TSG101: variants seen among roughly 807,000 people sequenced by gnomAD.
The protein encoded by TSG101 is tumor susceptibility gene 101 protein.
A neutral mutation model predicts 48.5 loss-of-function variants in TSG101; 19 were observed. The observed-to-expected ratio is 0.39, with a 90% CI of 0.27 to 0.58. The LOEUF (loss-of-function observed/expected upper bound fraction) is 0.58, where lower values mean the gene tolerates loss of function less well. TSG101 is among the 20% of genes least tolerant of loss of function. The pLI, the probability that TSG101 is intolerant of heterozygous loss-of-function variation, is 0.55. For synonymous variants in TSG101, 174 were observed against 169.4 expected, an observed-to-expected ratio of 1.03 and a Z score of -0.21; for missense variants, 365 against 484.4, an observed-to-expected ratio of 0.75 and a Z score of 2.31.
intron 7 of TSG101, among the ~76,000 whole-genome samples, chr11:18,487,239 G>A (rs1849632328): frequency 6.8e-6 from 1 of 147,952 alleles, no homozygotes; most frequent in Admixed American, 6.8e-5. Flanking sequence ...TTATGCACAT[G>A]TACCCTAAAA....
rs367590449 is a variant in TSG101, at chr11:18,492,753, C to T, written c.641-8681G>A. On this transcript the variant is annotated intron_variant, in intron 7 of 9. Coordinates refer to ENST00000251968, the MANE Select transcript of TSG101 (RefSeq NM_006292.4). ...GAAGTATATCTAAACTTTAAAAAAT[C>T]GAACTACTTTGTAAAAAAAAAAAAA... Among the ~76,000 whole-genome samples the T allele has an allele frequency of 3.5e-5, 5 of 144,580 alleles. No homozygotes were observed. The South Asian group carries it at 7.0e-4, about 20-fold the overall frequency. The allele number at this position is 144,580 out of a possible 152,430, so 94.9% of individuals were successfully genotyped here. A position where few individuals can be genotyped will look rare whatever the true frequency, so the allele number is the denominator to read the frequency against.
chr11:18,483,785 C>T, intron 8 of TSG101, 85 bp downstream of exon 8: 2 of 1,432,504 alleles, frequency 1.4e-6, no homozygotes, highest in Non-Finnish European at 1.9e-6. Context: ...TCCTACTATG[C>T]CCACAACATC....
chr11:18,513,520 A>T (rs1393206634), intron 4 of TSG101, among the ~76,000 whole-genome samples: 1 of 151,950 alleles, frequency 6.6e-6, no homozygotes, highest in Non-Finnish European at 1.5e-5. Context: ...GGCTGGTCTC[A>T]AACTCCTGAG....
chr11:18,503,941 C>T (rs1849928471), intron 6 of TSG101, among the ~76,000 whole-genome samples: 1 of 152,110 alleles, frequency 6.6e-6, no homozygotes, highest in African/African-American at 2.4e-5. Flanking sequence ...CAGTGGATCA[C>T]ACCTGTAATC....
chr11:18,490,277 C>A, intron 7 of TSG101: 1 of 548,366 alleles, frequency 1.8e-6, no homozygotes, highest in Admixed American at 2.2e-5. Flanking sequence ...TCCTGGTTTT[C>A]CGATGTCCAC....
intron 2 of TSG101, among the ~76,000 whole-genome samples, chr11:18,516,541 T>A (rs1404890753): frequency 6.6e-6 from 1 of 152,018 alleles, no homozygotes. Flanking sequence ...AGATGGGGCT[T>A]CACCATGTTG....
intron 7 of TSG101, among the ~76,000 whole-genome samples, chr11:18,492,860 CA>C (rs1191859887): frequency 3.3e-5 from 5 of 151,324 alleles, no homozygotes; most frequent in African/African-American, 9.7e-5. Flanking sequence ...AAAAACTCAT[CA>C]AAGTTCAAAA....
Position 18,499,288 on chromosome 11 carries a change from ATATATT to A in TSG101, c.640+3192_640+3197del, listed in dbSNP as rs1309459702. On this transcript the variant is annotated intron_variant, in intron 7 of 9. Transcript: ENST00000251968. ...TTTTATATATATTTATATATATCAT[ATATATT>A]TATATTTATATATTTATTTATATAT... 9.3e-4 allele frequency among the ~76,000 whole-genome samples: 107 copies of A among 115,044 alleles called. 1 individual carries two copies. The highest frequency in any genetic ancestry group is 1.3e-3 in the Non-Finnish European group (76 of 57,402). 75.5% of individuals were successfully genotyped at this position (115,044 alleles called of 152,430 possible). A position where few individuals can be genotyped will look rare whatever the true frequency, so the allele number is the denominator to read the frequency against.
At chr11:18,484,219 A>C (rs1473475463) in intron 7 of TSG101, 147 bp from the exon 8 acceptor site, 1 of 731,618 alleles carries the variant, frequency 1.4e-6, no homozygotes, top group East Asian at 2.7e-5. Flanking sequence ...TTTCATGAGA[A>C]ATAATGTAAA....
In TSG101 at chr11:18,480,419, A is replaced by G; in HGVS notation, c.*127T>C. Reference sequence around the variant, plus strand: ...TCTTTACCAAAAGAAAACAGAAAATATATTATTGATTCAAAATATTTTACA... The same window carrying G: ...TCTTTACCAAAAGAAAACAGAAAATGTATTATTGATTCAAAATATTTTACA... On this transcript the variant is annotated 3_prime_UTR_variant, in exon 10 of 10. Coordinates refer to ENST00000251968, the MANE Select transcript of TSG101 (RefSeq NM_006292.4). 1 of 706,732 alleles carries G rather than the reference A, an allele frequency of 1.4e-6. No individual in the cohort carries two copies. Among genetic ancestry groups the G allele is most frequent in the East Asian group, 2.9e-5 (1 of 35,062 alleles). 43.8% of individuals were successfully genotyped at this position (706,732 alleles called of 1,614,324 possible). A position where few individuals can be genotyped will look rare whatever the true frequency, so the allele number is the denominator to read the frequency against.
At chr11:18,521,913 A>C (rs1230085577) in intron 1 of TSG101, among the ~76,000 whole-genome samples, 1 of 152,056 alleles carries the variant, frequency 6.6e-6, no homozygotes, top group Admixed American at 6.6e-5. Context: ...TCTAGACTCA[A>C]GCAATCTGTC....
At chr11:18,489,698 T>C (rs529194571) in intron 7 of TSG101, among the ~76,000 whole-genome samples, 1 of 152,200 alleles carries the variant, frequency 6.6e-6, no homozygotes, top group Non-Finnish European at 1.5e-5. Flanking sequence ...CATGAACTTT[T>C]GAGTGGCAAC....
At chr11:18,522,306 C>A (rs2088184) in intron 1 of TSG101, among the ~76,000 whole-genome samples, 30,022 of 152,064 alleles carry the variant, frequency 0.2, 3,112 homozygotes, top group East Asian at 0.25. Flanking sequence ...TGAACATGAC[C>A]AAAACTGAAC....
At chr11:18,489,280 C>T (rs146261234) in intron 7 of TSG101, among the ~76,000 whole-genome samples, 5 of 149,868 alleles carry the variant, frequency 3.3e-5, no homozygotes, top group African/African-American at 2.5e-5. Context: ...GGCTGGAGTG[C>T]GGTTATTTCA....
rs752339080 is a variant in TSG101, at chr11:18,502,478, G to T, written c.640+8C>A. On this transcript the variant is annotated splice_region_variant and intron_variant, in intron 7 of 9. Transcript: ENST00000251968. ...TATGGTGAAACACAAGTTTTCAAGG[G>T]TACTTACCAACAGTGGTCACAGGAG... The T allele has an allele frequency of 2.5e-6, 4 of 1,609,476 alleles. No homozygotes were observed. Among genetic ancestry groups the T allele is most frequent in the Non-Finnish European group, 2.5e-6 (3 of 1,177,140 alleles).
rs114438044 is a variant in TSG101, at chr11:18,515,683, T to C, written c.193+416A>G. ...TCCAAATGTCAAAGATATCCATATA[T>C]AACATGTAACAAAACTGCTAAGATT... On this transcript the variant is annotated intron_variant, in intron 3 of 9. Coordinates refer to ENST00000251968, the MANE Select transcript of TSG101 (RefSeq NM_006292.4). Among the ~76,000 whole-genome samples, 1,116 of 152,352 alleles carry C rather than the reference T, an allele frequency of 7.3e-3. 8 individuals are homozygous for C. Among genetic ancestry groups the C allele is most frequent in the African/African-American group, 0.025 (1,055 of 41,576 alleles).
intron 7 of TSG101, among the ~76,000 whole-genome samples, chr11:18,486,267 A>T (rs1466103258): frequency 6.6e-6 from 1 of 152,212 alleles, no homozygotes; most frequent in Non-Finnish European, 1.5e-5. Context: ...ACTCGGCCCA[A>T]GTGGGCCGAA....
chr11:18,524,062 G>A (rs530061409), intron 1 of TSG101, among the ~76,000 whole-genome samples: 1 of 152,314 alleles, frequency 6.6e-6, no homozygotes, highest in Non-Finnish European at 1.5e-5. Context: ...AAAGTATTGG[G>A]ATTACAGGCA....
intron 7 of TSG101, among the ~76,000 whole-genome samples, chr11:18,487,714 A>C (rs1414987111): frequency 6.6e-6 from 1 of 152,158 alleles, no homozygotes; most frequent in Admixed American, 6.5e-5. Context: ...AAACAAAAAA[A>C]CCTCAAAGTA....
Sources: allele counts gnomAD v4.1 joint callset (sites outside exome capture counted in the v4.1 genomes callset), GRCh38; gene constraint gnomAD v4.1.1; transcripts MANE v1.5; gene names NCBI Gene and HGNC (gene_info 2026-07-23, HGNC 2026-07-21).